Variants in CSE1L observed in about 807,000 individuals in gnomAD.
The protein encoded by CSE1L is exportin-2.
CSE1L carries 24 observed loss-of-function variants against 120.4 expected under a neutral mutation model. The observed-to-expected ratio is 0.20, with a 90% confidence interval of 0.14 to 0.28. The LOEUF is 0.28. Among genes scored for constraint, CSE1L ranks in the 10% least tolerant of loss-of-function variants. The probability of loss-of-function intolerance (pLI) is 1.00; values close to 1 mark genes in which losing one functional copy is unlikely to be tolerated. For missense variants in CSE1L, 830 were observed against 1,145.2 expected, an observed-to-expected ratio of 0.72 and a Z score of 3.97; for synonymous variants, 402 against 398.3, an observed-to-expected ratio of 1.01 and a Z score of -0.11.
intron 23 of CSE1L, 62 bp from the exon 24 acceptor site, chr20:49,094,670 C>A: frequency 8.6e-7 from 1 of 1,157,062 alleles, no homozygotes; most frequent in Non-Finnish European, 1.3e-6. Context: ...TGAGCAATTG[C>A]TGGTTTTAAG....
In CSE1L at chr20:49,057,454, C is replaced by CTT. The variant is rs535693108; in HGVS notation, c.-11-982_-11-981dup. Among the ~76,000 whole-genome samples the CTT allele has an allele frequency of 2.0e-3, 231 of 112,728 alleles. 3 individuals carry two copies. Among genetic ancestry groups the CTT allele is most frequent in the African/African-American group, 4.8e-3 (143 of 29,558 alleles). 74.0% of individuals were successfully genotyped at this position (112,728 alleles called of 152,430 possible). A position where few individuals can be genotyped will look rare whatever the true frequency, so the allele number is the denominator to read the frequency against. ...AAATTTTAATTTCTCGTTGTGGGGCCTTTTTTTTTTTTTTTTTTAAGACAG... is the reference window on the plus strand; with the variant it reads ...AAATTTTAATTTCTCGTTGTGGGGCCTTTTTTTTTTTTTTTTTTTTAAGACAG... On this transcript the variant is annotated intron_variant, in intron 1 of 24. Transcript: ENST00000262982.
chr20:49,065,351 CT>C (rs1381119827), intron 3 of CSE1L, among the ~76,000 whole-genome samples: 1 of 54,186 alleles, frequency 1.8e-5, no homozygotes, highest in Non-Finnish European at 3.6e-5. Flanking sequence ...GAGAGGGAGT[CT>C]TGCTCTGTTG....
At chr20:49,073,244 C>T (rs1406023699) in intron 10 of CSE1L, among the ~76,000 whole-genome samples, 1 of 152,152 alleles carries the variant, frequency 6.6e-6, no homozygotes, top group African/African-American at 2.4e-5. Context: ...AACTCTTGAG[C>T]TCAAGCAGTC....
intron 1 of CSE1L, among the ~76,000 whole-genome samples, chr20:49,055,682 G>A (rs1293816013): frequency 1.3e-5 from 2 of 152,074 alleles, no homozygotes; most frequent in African/African-American, 4.8e-5. Context: ...TCATGCCCCT[G>A]CAGTCCAACC....
intron 19 of CSE1L, among the ~76,000 whole-genome samples, chr20:49,090,132 A>T (rs568184237): frequency 7.0e-4 from 106 of 152,164 alleles, no homozygotes; most frequent in Non-Finnish European, 1.1e-3. Context: ...CTCTTAAAAA[A>T]AATAATAATA....
Position 49,066,175 on chromosome 20 carries a change from TA to T in CSE1L, c.229-16del, listed in dbSNP as rs895367227. The T allele has an allele frequency of 1.9e-6, 3 of 1,609,000 alleles. No individual in the cohort carries two copies. The African/African-American group carries it at 4.0e-5, about 22-fold the overall frequency. ...GTGGATTTTGTGTTACTTCCTCAGT[TA>T]CTGCTTTGCTTTTAGGTTGAAGATG... On this transcript the variant is annotated splice_polypyrimidine_tract_variant and intron_variant, in intron 3 of 24. Coordinates refer to ENST00000262982, the MANE Select transcript of CSE1L (RefSeq NM_001316.4).
chr20:49,088,287 C>A (rs1448477296), intron 17 of CSE1L, among the ~76,000 whole-genome samples, 181 bp downstream of exon 17: 1 of 152,192 alleles, frequency 6.6e-6, no homozygotes, highest in Non-Finnish European at 1.5e-5. Context: ...TAATAGCAGT[C>A]ACCTTTAAGT....
intron 6 of CSE1L, among the ~76,000 whole-genome samples, chr20:49,068,083 A>G (rs964735109): frequency 3.9e-5 from 6 of 152,082 alleles, no homozygotes; most frequent in Admixed American, 1.3e-4. Flanking sequence ...ATTTAGAATA[A>G]TAAAGAATTG....
At chr20:49,085,436 T>G in intron 16 of CSE1L, 50 bp downstream of exon 16, 1 of 1,334,470 alleles carries the variant, frequency 7.5e-7, no homozygotes, top group Non-Finnish European at 1.1e-6. Flanking sequence ...TCTCAGATTG[T>G]AAGGGTGAGC....
chr20:49,067,247 T>C lies in CSE1L; in HGVS notation c.534T>C (p.Asp178=). 1.9e-6 allele frequency: 3 copies of C among 1,611,686 alleles called. No individual in the cohort carries two copies. Among genetic ancestry groups the C allele is most frequent in the Non-Finnish European group, 2.5e-6 (3 of 1,178,528 alleles). Residue 178 remains aspartate (D), a synonymous_variant, in exon 6 of 25, where the codon GAT becomes GAC. Coordinates refer to ENST00000262982, the MANE Select transcript of CSE1L (RefSeq NM_001316.4). ...GGACTGAAATTAAGCTTGTTCTGGA[T>C]GCCTTTGCTTTGCCTTTGACTAATC... is the stretch of plus-strand genomic sequence containing the variant. The part of the protein sequence containing the change: ...ELWTEIKLVL[D]AFALPLTNLF...
At position 49,077,046 on chromosome 20, in the gene CSE1L, G is replaced by C. The variant is rs749166466; in HGVS notation, c.1402G>C (p.Asp468His). ...TEFFVNHILPDLKSANVNEFP... is the reference protein window; with the variant it reads ...TEFFVNHILPHLKSANVNEFP... ...GTTCTTTGTGAATCACATCCTCCCTGATTTAAAATCAGCTAATGGTGAGTT... is the reference window on the plus strand; with the variant it reads ...GTTCTTTGTGAATCACATCCTCCCTCATTTAAAATCAGCTAATGGTGAGTT... Residue 468 changes from aspartate (D) to histidine (H), a missense_variant, in exon 13 of 25, where the codon GAT (aspartate) becomes CAT (histidine). Asp to His is a moderately conservative substitution (Grantham distance 81, BLOSUM62 -1). This residue lies in a region of CSE1L where 543 missense variants were observed against 640.2 expected (regional missense o/e 0.85). Transcript: ENST00000262982. 6 of 1,605,898 alleles carry C rather than the reference G, an allele frequency of 3.7e-6. No homozygotes were observed. In the Admixed American group the frequency reaches 1.0e-4, roughly 27 times the overall value.
At chr20:49,068,201 A>G (rs990144545) in intron 6 of CSE1L, among the ~76,000 whole-genome samples, 13 of 152,198 alleles carry the variant, frequency 8.5e-5, no homozygotes, top group Non-Finnish European at 1.8e-4. Context: ...GACGTAGTTC[A>G]GAATATTAAC....
chr20:49,055,145 A>G (rs1179867107), intron 1 of CSE1L, among the ~76,000 whole-genome samples: 1 of 152,256 alleles, frequency 6.6e-6, no homozygotes, highest in East Asian at 1.9e-4. Flanking sequence ...CCTGTAATCA[A>G]ACGTATTGAT....
At chr20:49,090,299 T>G (rs558075707) in intron 19 of CSE1L, among the ~76,000 whole-genome samples, 3 of 152,324 alleles carry the variant, frequency 2.0e-5, no homozygotes, top group Non-Finnish European at 4.4e-5. Flanking sequence ...GGCTCACACC[T>G]GTAATCTCAG....
At chr20:49,090,659 CTG>C (rs1227551712) in intron 19 of CSE1L, 81 bp from the exon 20 acceptor site, 1 of 1,009,282 alleles carries the variant, frequency 9.9e-7, no homozygotes, top group African/African-American at 1.6e-5. Context: ...AGTATGAACT[CTG>C]TTTTAAGACA....
intron 15 of CSE1L, among the ~76,000 whole-genome samples, chr20:49,084,770 T>G (rs1469153115): frequency 6.6e-6 from 1 of 152,172 alleles, no homozygotes; most frequent in Non-Finnish European, 1.5e-5. Context: ...TTTCTTGAAA[T>G]GAGCTTTGGG....
Position 49,090,724 on chromosome 20 carries a change from G to C in CSE1L, c.2182-18G>C. The C allele has an allele frequency of 6.3e-7, 1 of 1,596,272 alleles. No homozygotes were observed. Among genetic ancestry groups the C allele is most frequent in the Non-Finnish European group, 8.6e-7 (1 of 1,165,168 alleles). On this transcript the variant is annotated intron_variant, in intron 19 of 24. Transcript: ENST00000262982. ...TATTCCTGTTAACCATTTTCTGTTG[G>C]ATCTCATTTCTTAACAGCCTGGGTT...
At chr20:49,090,273 T>G (rs1012330630) in intron 19 of CSE1L, among the ~76,000 whole-genome samples, 1 of 152,166 alleles carries the variant, frequency 6.6e-6, no homozygotes, top group Non-Finnish European at 1.5e-5. Flanking sequence ...AGAACTTAAC[T>G]TTGGTCGGGC....
At chr20:49,070,595 G>T (rs1284971217) in intron 8 of CSE1L, among the ~76,000 whole-genome samples, 1 of 152,110 alleles carries the variant, frequency 6.6e-6, no homozygotes, top group Non-Finnish European at 1.5e-5. Flanking sequence ...TTTCATTGAA[G>T]ATACTAAGAA....
Sources: allele counts gnomAD v4.1 joint callset (sites outside exome capture counted in the v4.1 genomes callset), GRCh38; gene constraint gnomAD v4.1.1; regional missense constraint gnomAD v4.1.1; transcripts MANE v1.5; gene names NCBI Gene and HGNC (gene_info 2026-07-23, HGNC 2026-07-21).